Variants in CECR2 observed in about 807,000 individuals in gnomAD.
CECR2 encodes the protein chromatin remodeling regulator CECR2.
Under a neutral mutation model 154.5 loss-of-function variants are expected in CECR2, and 30 were observed. That is an observed-to-expected ratio of 0.19 (90% CI 0.15 to 0.26). CECR2 has a LOEUF of 0.26. CECR2 is among the 10% of genes least tolerant of loss of function. The pLI is 1.00. For synonymous variants in CECR2, 725 were observed against 683.7 expected (o/e 1.06, Z -0.94); for missense variants, 1,743 against 1,829.3 (o/e 0.95, Z 0.86).
chr22:17,457,477 TTTTTTGAGCTATAGCCTA>T (rs764824712), intron 1 of CECR2, among the ~76,000 whole-genome samples: 18 of 152,198 alleles, frequency 1.2e-4, no homozygotes, highest in Non-Finnish European at 1.6e-4. Context: ...TTTTGTAAAA[TTTTTTGAGCTATAGCCTA>T]TTTCTTGTCA....
rs2056577170 is a variant in CECR2 at position 17,544,358 on chromosome 22, C to T, written c.2860+1355C>T. Among the ~76,000 whole-genome samples, 6 of 151,658 alleles carry T rather than the reference C, an allele frequency of 4.0e-5. No individual in the cohort carries two copies. The South Asian group carries it at 8.4e-4, about 21-fold the overall frequency. On this transcript the variant is annotated intron_variant, in intron 16 of 18. Coordinates refer to ENST00000262608, the MANE Select transcript of CECR2 (RefSeq NM_001290047.2). ...CTAAAAATACAAAAAATTAGCCGAG[C>T]GTGGTGGCAGGCGCCTGTAGTCCCA...
intron 1 of CECR2, among the ~76,000 whole-genome samples, chr22:17,378,747 A>T (rs1413878903): frequency 6.6e-6 from 1 of 152,204 alleles, no homozygotes; most frequent in Admixed American, 6.5e-5. Context: ...TGTGAGGTAG[A>T]GATGACTTTT....
At chr22:17,388,456 G>A (rs80154743) in intron 1 of CECR2, among the ~76,000 whole-genome samples, 2 of 152,202 alleles carry the variant, frequency 1.3e-5, no homozygotes, top group Admixed American at 1.3e-4. Context: ...TGCCCAGCGG[G>A]TGGCAGAACC....
rs1342664044 is a variant in CECR2 at position 17,554,433 on chromosome 22, G to T, written c.*1593G>T. Reference sequence around the variant, plus strand: ...AATTCCAGGATTCCTAGTGAAGCATGGAACTGTCGTGTTTACAGTTTGCTA... The same window carrying T: ...AATTCCAGGATTCCTAGTGAAGCATTGAACTGTCGTGTTTACAGTTTGCTA... On this transcript the variant is annotated 3_prime_UTR_variant, in exon 19 of 19. Transcript: ENST00000262608. 1 of 152,210 alleles carries T rather than the reference G, an allele frequency of 6.6e-6. No homozygotes were observed. Among genetic ancestry groups the T allele is most frequent in the Admixed American group, 6.5e-5 (1 of 15,272 alleles). 9.4% of individuals were successfully genotyped at this position (152,210 alleles called of 1,614,324 possible).
chr22:17,425,127 T>G (rs1405032140), intron 1 of CECR2, among the ~76,000 whole-genome samples: 1 of 152,148 alleles, frequency 6.6e-6, no homozygotes, highest in African/African-American at 2.4e-5. Flanking sequence ...TACTTTTGGT[T>G]TGTTATTTTG....
At chr22:17,542,091 G>T in intron 15 of CECR2, 66 bp from the exon 16 acceptor site, 1 of 1,575,106 alleles carries the variant, frequency 6.3e-7, no homozygotes, top group East Asian at 2.3e-5. Flanking sequence ...TTCCCATAGA[G>T]AAGCATGGCA....
chr22:17,556,836 G>T lies in CECR2; in HGVS notation c.*3996G>T, dbSNP rs115421336. On this transcript the variant is annotated 3_prime_UTR_variant, in exon 19 of 19. Transcript: ENST00000262608. ...CAGAAAATCAGTCCCATATATTAGT[G>T]AGCCATGTACTGCCCAATCCGGGGG... The T allele has an allele frequency of 6.6e-6, 1 of 152,222 alleles. No homozygotes were observed. The highest frequency in any genetic ancestry group is 1.5e-5 in the Non-Finnish European group (1 of 68,068). The allele number at this position is 152,222 out of a possible 1,614,324, so 9.4% of individuals were successfully genotyped here.
At chr22:17,406,241 C>T (rs1454865944) in intron 1 of CECR2, among the ~76,000 whole-genome samples, 1 of 152,188 alleles carries the variant, frequency 6.6e-6, no homozygotes, top group African/African-American at 2.4e-5. Context: ...ATGTGTAGGA[C>T]CGGGCATGGT....
chr22:17,554,499 T>C lies in CECR2; in HGVS notation c.*1659T>C, dbSNP rs1323297787. 6.6e-6 allele frequency: 1 copy of C among 152,100 alleles called. No homozygotes were observed. Among genetic ancestry groups the C allele is most frequent in the East Asian group, 1.9e-4 (1 of 5,184 alleles). 9.4% of individuals were successfully genotyped at this position (152,100 alleles called of 1,614,324 possible). A position where few individuals can be genotyped will look rare whatever the true frequency, so the allele number is the denominator to read the frequency against. On this transcript the variant is annotated 3_prime_UTR_variant, in exon 19 of 19. Transcript: ENST00000262608. Reference sequence around the variant, plus strand: ...TGGAAAAGGAAGCTAATCGGAAGCATCCATGATACAGAGAAATGAAAGCCA... The same window carrying C: ...TGGAAAAGGAAGCTAATCGGAAGCACCCATGATACAGAGAAATGAAAGCCA...
chr22:17,473,990 C>T (rs1423368229), intron 1 of CECR2, among the ~76,000 whole-genome samples: 1 of 152,154 alleles, frequency 6.6e-6, no homozygotes, highest in Non-Finnish European at 1.5e-5. Context: ...TGTATTTCAT[C>T]ACAGGATGGT....
chr22:17,367,791 G>T (rs2063010302), upstream of CECR2, among the ~76,000 whole-genome samples: 1 of 152,224 alleles, frequency 6.6e-6, no homozygotes, highest in Admixed American at 6.5e-5. Flanking sequence ...CAATTCCGGG[G>T]TGGCCTGTGT....
chr22:17,543,099 C>T (rs1225388253), intron 16 of CECR2, 96 bp downstream of exon 16: 1 of 1,328,368 alleles, frequency 7.5e-7, no homozygotes, highest in East Asian at 2.5e-5. Context: ...GGTTCCCAGC[C>T]TCTCTTTCTT....
At chr22:17,372,062 T>C (rs557489089) in intron 1 of CECR2, among the ~76,000 whole-genome samples, 29 of 152,354 alleles carry the variant, frequency 1.9e-4, no homozygotes, top group Admixed American at 6.5e-4. Flanking sequence ...TGTCCTCTCT[T>C]TTGACTCCAG....
intron 8 of CECR2, among the ~76,000 whole-genome samples, chr22:17,520,902 C>T (rs866470444): frequency 6.6e-6 from 1 of 152,106 alleles, no homozygotes; most frequent in East Asian, 1.9e-4. Context: ...AATAAACATA[C>T]GTGTGCATGT....
At chr22:17,446,443 C>T (rs898909775) in intron 1 of CECR2, among the ~76,000 whole-genome samples, 1 of 152,268 alleles carries the variant, frequency 6.6e-6, no homozygotes, top group African/African-American at 2.4e-5. Context: ...ACCCCCAGGG[C>T]GCGGTGGCTC....
intron 1 of CECR2, among the ~76,000 whole-genome samples, chr22:17,455,893 A>G (rs2054847003): frequency 6.6e-6 from 1 of 152,126 alleles, no homozygotes; most frequent in African/African-American, 2.4e-5. Flanking sequence ...CCCAGCCCCA[A>G]ACAGCACACA....
intron 1 of CECR2, among the ~76,000 whole-genome samples, chr22:17,393,385 A>G (rs1569052190): frequency 1.3e-5 from 2 of 152,196 alleles, no homozygotes; most frequent in African/African-American, 2.4e-5. Flanking sequence ...AAAGCTATAC[A>G]TTGTATATAA....
At chr22:17,410,303 A>T (rs527358645) in intron 1 of CECR2, among the ~76,000 whole-genome samples, 4 of 152,164 alleles carry the variant, frequency 2.6e-5, no homozygotes, top group Admixed American at 2.6e-4. Flanking sequence ...TTTTGTTGTC[A>T]CTGCCCCACT....
chr22:17,365,693 C>T (rs947546696), upstream of CECR2, among the ~76,000 whole-genome samples: 1 of 151,620 alleles, frequency 6.6e-6, no homozygotes, highest in Non-Finnish European at 1.5e-5. Context: ...AAGACTGTCT[C>T]GGAAAAACAA....
Sources: allele counts gnomAD v4.1 joint callset (sites outside exome capture counted in the v4.1 genomes callset), GRCh38; gene constraint gnomAD v4.1.1; transcripts MANE v1.5; gene names NCBI Gene and HGNC (gene_info 2026-07-23, HGNC 2026-07-21).